The following TTC7B variants were observed in gnomAD, a reference collection of about 807,000 sequenced individuals.
The protein encoded by TTC7B is tetratricopeptide repeat protein 7B.
Under a neutral mutation model 106.8 loss-of-function variants are expected in TTC7B, and 28 were observed. That is an observed-to-expected ratio of 0.26 (90% CI 0.19 to 0.36). TTC7B has a LOEUF of 0.36. Ranked by LOEUF, TTC7B falls within the 10% of genes least tolerant of loss-of-function variation. The probability of loss-of-function intolerance (pLI) is 1.00; values close to 1 mark genes in which losing one functional copy is unlikely to be tolerated. For missense variants in TTC7B, 862 were observed against 1,076.4 expected (o/e 0.80, Z 2.79); for synonymous variants, 405 against 430.6 (o/e 0.94, Z 0.74).
In TTC7B at chr14:90,780,792, T is replaced by C; in HGVS notation, c.391A>G (p.Thr131Ala). 1 of 1,614,270 alleles carries C rather than the reference T, an allele frequency of 6.2e-7. No homozygotes were observed. The highest frequency in any genetic ancestry group is 8.5e-7 in the Non-Finnish European group (1 of 1,180,040). Reference sequence around the variant, plus strand: ...CGCAGCCTGTAGGGCGGGACAGCTGTCAGTGGCAGATCGTCCAGGCCCACC... The same window carrying C: ...CGCAGCCTGTAGGGCGGGACAGCTGCCAGTGGCAGATCGTCCAGGCCCACC... ...ARVGLDDLPL[T>A]AVPPYRLRVI... is the part of the protein sequence containing the mutation. The change falls in exon 3 of 20, where the codon ACA becomes GCA. Residue 131 changes from threonine (T) to alanine (A), a missense_variant. Thr to Ala is a moderately conservative substitution (Grantham distance 58). Transcript: ENST00000328459.
intron 3 of TTC7B, among the ~76,000 whole-genome samples, chr14:90,765,990 A>G (rs1890662882): frequency 6.6e-6 from 1 of 152,204 alleles, no homozygotes; most frequent in Non-Finnish European, 1.5e-5. Flanking sequence ...ATTCAAGACT[A>G]GAGCATTCAA....
rs959776372 is a variant in TTC7B at position 90,578,047 on chromosome 14, C to A, written c.2310+59G>T. 7.8e-6 allele frequency: 12 copies of A among 1,546,304 alleles called. 1 individual carries two copies. The Admixed American group carries it at 1.2e-4, about 15-fold the overall frequency. On this transcript the variant is annotated intron_variant, in intron 19 of 19. Transcript: ENST00000328459. The surrounding 1 kb of genome is among the most constrained non-coding windows in gnomAD (Gnocchi z 4.7). Reference sequence around the variant, plus strand: ...GGTGTGAGGGTCATGTGCTACCTGCCGCTTCCAAGGGCTGTCCCCATGCCA... The same window carrying A: ...GGTGTGAGGGTCATGTGCTACCTGCAGCTTCCAAGGGCTGTCCCCATGCCA...
chr14:90,816,377 G>T lies in TTC7B; in HGVS notation c.-82C>A. 2 of 806,700 alleles carry T rather than the reference G, an allele frequency of 2.5e-6. No individual in the cohort carries two copies. The highest frequency in any genetic ancestry group is 3.0e-6 in the Non-Finnish European group (2 of 670,718). The allele number at this position is 806,700 out of a possible 1,614,324, so 50.0% of individuals were successfully genotyped here. ...CGCCCCCTCGCCGCCTCCCGCCGCC[G>T]CCGCGGGCTCGGGCTCCGGCTCCCG... On this transcript the variant is annotated 5_prime_UTR_variant, in exon 1 of 20. Coordinates refer to ENST00000328459, the MANE Select transcript of TTC7B (RefSeq NM_001010854.2).
chr14:90,652,043 T>A (rs556124675), intron 13 of TTC7B, among the ~76,000 whole-genome samples: 1 of 152,314 alleles, frequency 6.6e-6, no homozygotes, highest in South Asian at 2.1e-4. Flanking sequence ...TCCAGATGAT[T>A]TCATTTTTGT....
rs1288262694 is a variant in TTC7B, at chr14:90,710,055, T to TG, written c.699-14478dup. Among the ~76,000 whole-genome samples the TG allele has an allele frequency of 2.2e-3, 268 of 119,292 alleles. 3 individuals are homozygous for TG. Among genetic ancestry groups the TG allele is most frequent in the African/African-American group, 7.7e-3 (254 of 33,032 alleles). The allele number at this position is 119,292 out of a possible 152,430, so 78.3% of individuals were successfully genotyped here. On this transcript the variant is annotated intron_variant, in intron 5 of 19. Coordinates refer to ENST00000328459, the MANE Select transcript of TTC7B (RefSeq NM_001010854.2). The stretch of plus-strand genomic sequence containing the variant: ...AATATTTTGGATAAACTTTTCTACT[T>TG]GAAAAAAAAAAAAAAAGAAAACCTC...
At chr14:90,798,708 T>TAA (rs2030036301) in intron 1 of TTC7B, among the ~76,000 whole-genome samples, 1 of 15,822 alleles carries the variant, frequency 6.3e-5, no homozygotes, top group Non-Finnish European at 1.8e-4. Context: ...AGACTCCATC[T>TAA]CAAAAAAAAA....
chr14:90,618,121 G>A, intron 15 of TTC7B, 76 bp from the exon 16 acceptor site: 1 of 1,076,976 alleles, frequency 9.3e-7, no homozygotes, highest in Non-Finnish European at 1.4e-6. Flanking sequence ...ACAAGTGGTG[G>A]GCTTAGACCC....
chr14:90,623,443 A>G (rs920365281), intron 15 of TTC7B, among the ~76,000 whole-genome samples: 3 of 152,230 alleles, frequency 2.0e-5, no homozygotes, highest in African/African-American at 7.2e-5. Flanking sequence ...GCACTAATGA[A>G]GATAGCGGCA....
intron 15 of TTC7B, among the ~76,000 whole-genome samples, chr14:90,634,178 A>G (rs938513069): frequency 1.3e-5 from 2 of 152,100 alleles, no homozygotes; most frequent in Admixed American, 1.3e-4. Context: ...CGCCTGGCCC[A>G]TTGTTAATTT....
chr14:90,739,119 A>G (rs561087631), intron 4 of TTC7B, among the ~76,000 whole-genome samples: 1 of 152,306 alleles, frequency 6.6e-6, no homozygotes, highest in Admixed American at 6.5e-5. Context: ...CTCAGTTTTC[A>G]CTGCGTTGTA....
chr14:90,780,767 C>T lies in TTC7B; in HGVS notation c.416G>A (p.Arg139Gln), dbSNP rs766384283. 7.4e-6 allele frequency: 12 copies of T among 1,614,122 alleles called. No homozygotes were observed. The highest frequency in any genetic ancestry group is 6.7e-5 in the Admixed American group (4 of 60,000). Residue 139 changes from arginine (R) to glutamine (Q), a missense_variant, in exon 3 of 20, where the codon CGG becomes CAG. By Grantham distance (43) the Arg-to-Gln change is conservative. Transcript: ENST00000328459. Reference sequence around the variant, plus strand: ...GGTAGCGTAGGCTTCTGCGATCACCCGCAGCCTGTAGGGCGGGACAGCTGT... The same window carrying T: ...GGTAGCGTAGGCTTCTGCGATCACCTGCAGCCTGTAGGGCGGGACAGCTGT... ...PLTAVPPYRL[R>Q]VIAEAYATKG... is the part of the protein sequence containing the mutation.
chr14:90,792,187 G>A (rs1170524050), intron 1 of TTC7B, among the ~76,000 whole-genome samples: 1 of 152,130 alleles, frequency 6.6e-6, no homozygotes, highest in Non-Finnish European at 1.5e-5. Context: ...CAAGTGCTAT[G>A]CGGATTCAGG....
At chr14:90,779,208 C>T (rs925745905) in intron 3 of TTC7B, among the ~76,000 whole-genome samples, 1 of 152,262 alleles carries the variant, frequency 6.6e-6, no homozygotes, top group African/African-American at 2.4e-5. Flanking sequence ...TCTAGGAAGC[C>T]TTCCTGGCCC....
At chr14:90,776,140 G>GACTGACACACACACAC (rs1438147499) in intron 3 of TTC7B, among the ~76,000 whole-genome samples, 48 of 140,290 alleles carry the variant, frequency 3.4e-4, no homozygotes, top group African/African-American at 1.2e-3. Context: ...GGCCCCCCGT[G>GACTGACACACACACAC]ACACACACAC....
chr14:90,660,875 C>T (rs1203271935), intron 9 of TTC7B, among the ~76,000 whole-genome samples: 1 of 152,218 alleles, frequency 6.6e-6, no homozygotes, highest in Non-Finnish European at 1.5e-5. Flanking sequence ...TAGTGCTTGG[C>T]GATGGCACAG....
chr14:90,657,440 G>T lies in TTC7B; in HGVS notation c.1237-162C>A. On this transcript the variant is annotated intron_variant, in intron 10 of 19. Transcript: ENST00000328459. This position sits in a 1 kb window ranked among gnomAD's most constrained non-coding sequence, Gnocchi z 4.2. ...CTGAGGTGCATGAAAACCAGAGCCTGCGGCTTCTGAGTGACTGGGGAGTAC... is the reference window on the plus strand; with the variant it reads ...CTGAGGTGCATGAAAACCAGAGCCTTCGGCTTCTGAGTGACTGGGGAGTAC... 1 of 601,178 alleles carries T rather than the reference G, an allele frequency of 1.7e-6. No individual in the cohort carries two copies. 37.2% of individuals were successfully genotyped at this position (601,178 alleles called of 1,614,324 possible). A position where few individuals can be genotyped will look rare whatever the true frequency, so the allele number is the denominator to read the frequency against.
In TTC7B at chr14:90,587,826, A is replaced by C. The variant is rs564199544; in HGVS notation, c.2107+5660T>G. The stretch of plus-strand genomic sequence containing the variant: ...GTTGGAGCTAGGGTTCTGGGGCCAC[A>C]CTGCTTGGGTTTAGATTGTGGCTTT... On this transcript the variant is annotated intron_variant, in intron 18 of 19. Coordinates refer to ENST00000328459, the MANE Select transcript of TTC7B (RefSeq NM_001010854.2). Among the ~76,000 whole-genome samples, 4 of 152,246 alleles carry C rather than the reference A, an allele frequency of 2.6e-5. No individual in the cohort carries two copies. In the South Asian group the frequency reaches 8.3e-4, roughly 32 times the overall value.
chr14:90,574,262 T>C (rs1891166206), intron 19 of TTC7B, among the ~76,000 whole-genome samples: 1 of 152,252 alleles, frequency 6.6e-6, no homozygotes, highest in African/African-American at 2.4e-5. Context: ...TATACACTTA[T>C]GCAAAAATAA....
At chr14:90,804,712 C>A (rs997829328) in intron 1 of TTC7B, among the ~76,000 whole-genome samples, 1 of 152,212 alleles carries the variant, frequency 6.6e-6, no homozygotes, top group Admixed American at 6.5e-5. Flanking sequence ...TACTGCGGGT[C>A]CCAGGGCTTG....
Sources: gnomAD v4.1 joint callset for allele counts (sites outside exome capture counted in the v4.1 genomes callset) on GRCh38, gnomAD v4.1.1 for gene constraint, Gnocchi (gnomAD v3.1) non-coding constraint, MANE v1.5 for transcripts, NCBI Gene and HGNC (gene_info 2026-07-23, HGNC 2026-07-21) for gene names.